Variants in FNDC3B observed in about 807,000 individuals in gnomAD.
The protein encoded by FNDC3B is fibronectin type III domain containing 3B.
In FNDC3B, 12 loss-of-function variants were observed where a neutral mutation model predicts 151.5. The ratio of observed to expected loss-of-function variants is 0.08; its 90% CI spans 0.05 to 0.13. FNDC3B has a LOEUF of 0.13. Ranked by LOEUF, FNDC3B falls within the 10% of genes least tolerant of loss-of-function variation. The pLI, the probability that FNDC3B is intolerant of heterozygous loss-of-function variation, is 1.00. For synonymous variants in FNDC3B, 528 were observed against 549.0 expected, an observed-to-expected ratio of 0.96 and a Z score of 0.54; for missense variants, 1,214 against 1,505.3, an observed-to-expected ratio of 0.81 and a Z score of 3.20.
rs866703196 is a variant in FNDC3B, at chr3:172,352,089, T to G, written c.2515-714T>G. ...GAGGAGGTACCGAAGTACTGAGGGC[T>G]GATACTCACCAGCGTTAAGAGTTCA... On this transcript the variant is annotated intron_variant, in intron 21 of 25. Transcript: ENST00000415807. This position sits in a 1 kb window ranked among gnomAD's most constrained non-coding sequence, Gnocchi z 4.2. Among the ~76,000 whole-genome samples the G allele has an allele frequency of 4.6e-5, 7 of 152,172 alleles. No individual in the cohort carries two copies. The highest frequency in any genetic ancestry group is 7.2e-5 in the African/African-American group (3 of 41,432).
At chr3:172,301,115 T>C (rs1730892166) in intron 9 of FNDC3B, among the ~76,000 whole-genome samples, 1 of 152,196 alleles carries the variant, frequency 6.6e-6, no homozygotes, top group Non-Finnish European at 1.5e-5. Flanking sequence ...TCTCGCTTTG[T>C]CATGTATAAA....
intron 1 of FNDC3B, among the ~76,000 whole-genome samples, chr3:172,095,213 A>T (rs1431356371): frequency 6.6e-6 from 1 of 152,166 alleles, no homozygotes; most frequent in Non-Finnish European, 1.5e-5. Context: ...TAGCTGAAGG[A>T]TATAGTGTAA....
chr3:172,093,123 C>A (rs902497523), intron 1 of FNDC3B, among the ~76,000 whole-genome samples: 3 of 150,498 alleles, frequency 2.0e-5, no homozygotes, highest in African/African-American at 7.3e-5. Flanking sequence ...TGGCCAGAAT[C>A]TTTTTTTAGA....
intron 3 of FNDC3B, among the ~76,000 whole-genome samples, chr3:172,217,773 C>A (rs780766996): frequency 6.6e-6 from 1 of 152,012 alleles, no homozygotes; most frequent in African/African-American, 2.4e-5. Flanking sequence ...GAGAATTAAA[C>A]CCCGGTCTTT....
At chr3:172,199,646 T>C (rs976621507) in intron 3 of FNDC3B, among the ~76,000 whole-genome samples, 1 of 152,226 alleles carries the variant, frequency 6.6e-6, no homozygotes, top group African/African-American at 2.4e-5. Flanking sequence ...TAAATAGAAT[T>C]AAATTCCTGT....
intron 23 of FNDC3B, among the ~76,000 whole-genome samples, chr3:172,364,358 C>T (rs1439486459): frequency 2.0e-5 from 3 of 152,138 alleles, no homozygotes; most frequent in South Asian, 2.1e-4. Context: ...GGTGGTAAAT[C>T]CTTAGAAAAT....
At chr3:172,293,997 G>C (rs756395917) in intron 7 of FNDC3B, among the ~76,000 whole-genome samples, 1 of 152,174 alleles carries the variant, frequency 6.6e-6, no homozygotes, top group African/African-American at 2.4e-5. Flanking sequence ...AAGCTTTAGC[G>C]TCTGTATTGT....
At position 172,112,509 on chromosome 3, in the gene FNDC3B, A is replaced by G. The variant is rs1187006540; in HGVS notation, c.30A>G (p.Gln10=). The G allele has an allele frequency of 1.2e-6, 2 of 1,614,012 alleles. No homozygotes were observed. Among genetic ancestry groups the G allele is most frequent in the Non-Finnish European group, 1.7e-6 (2 of 1,179,962 alleles). MYVTMMMTD[Q]IPLELPPLLN... ...ACGTCACAATGATGATGACCGACCAAATCCCTCTGGAACTGCCACCATTGC... is the reference window on the plus strand; with the variant it reads ...ACGTCACAATGATGATGACCGACCAGATCCCTCTGGAACTGCCACCATTGC... The change falls in exon 2 of 26, where the codon CAA becomes CAG. Residue 10 remains glutamine (Q), a synonymous_variant. Transcript: ENST00000415807.
chr3:172,211,162 CAT>C (rs1381618364), intron 3 of FNDC3B, among the ~76,000 whole-genome samples: 2 of 151,278 alleles, frequency 1.3e-5, no homozygotes, highest in African/African-American at 4.9e-5. Flanking sequence ...AAAAATGACT[CAT>C]AACATAAATG....
intron 3 of FNDC3B, among the ~76,000 whole-genome samples, chr3:172,211,878 C>A (rs933830263): frequency 1.3e-5 from 2 of 152,180 alleles, no homozygotes; most frequent in African/African-American, 2.4e-5. Context: ...CTGTTAAGAT[C>A]CCCAAGAGAA....
At chr3:172,079,359 G>C (rs939369617) in intron 1 of FNDC3B, among the ~76,000 whole-genome samples, 5 of 152,186 alleles carry the variant, frequency 3.3e-5, no homozygotes, top group Non-Finnish European at 7.3e-5. Flanking sequence ...CAAAGATGGA[G>C]TTTGGCCTTG....
chr3:172,370,262 A>T (rs1192554414), intron 23 of FNDC3B, among the ~76,000 whole-genome samples: 1 of 152,236 alleles, frequency 6.6e-6, no homozygotes, highest in Admixed American at 6.5e-5. Flanking sequence ...TTCAAAATCA[A>T]ACTGTTTTAA....
chr3:172,056,185 G>T (rs1170026452), intron 1 of FNDC3B, among the ~76,000 whole-genome samples: 1 of 151,968 alleles, frequency 6.6e-6, no homozygotes, highest in Non-Finnish European at 1.5e-5. Flanking sequence ...GATGTCAGAC[G>T]TCCTGCTTGG....
chr3:172,362,730 G>C lies in FNDC3B; in HGVS notation c.2893G>C (p.Glu965Gln), dbSNP rs1321093392. The C allele has an allele frequency of 1.9e-6, 3 of 1,614,064 alleles. No homozygotes were observed. The highest frequency in any genetic ancestry group is 1.3e-5 in the African/African-American group (1 of 75,008). The change falls in exon 23 of 26, where the codon GAA (glutamate) becomes CAA (glutamine). Residue 965 changes from glutamate to glutamine, a missense_variant. Physicochemically the swap from Glu to Gln is conservative, Grantham distance 29 (BLOSUM62 2). Around this residue, in one of 7 missense-constraint regions of FNDC3B, gnomAD observed 284 missense variants for 392.4 expected, o/e 0.72. Transcript: ENST00000415807. ...RPLPPLPPRL[E>Q]CAAAGPQSLK... is the part of the protein sequence containing the mutation. ...ATTACCACCCTTGCCTCCTAGGCTA[G>C]AATGTGCTGCTGCTGGTCCTCAGAG... is the stretch of plus-strand genomic sequence containing the variant.
In FNDC3B at chr3:172,283,682, C is replaced by T. The variant is rs551613133; in HGVS notation, c.791-2244C>T. Among the ~76,000 whole-genome samples the T allele has an allele frequency of 4.6e-5, 7 of 152,244 alleles. No individual in the cohort carries two copies. The South Asian group carries it at 1.5e-3, about 32-fold the overall frequency. The stretch of plus-strand genomic sequence containing the variant: ...TAACCAGAAATTGAGAACATTTTGT[C>T]TTTAACAACTGAACCAGTTCATTTA... On this transcript the variant is annotated intron_variant, in intron 6 of 25. Transcript: ENST00000415807.
chr3:172,338,741 G>C (rs1478610842), intron 16 of FNDC3B, among the ~76,000 whole-genome samples: 2 of 151,912 alleles, frequency 1.3e-5, no homozygotes, highest in African/African-American at 2.4e-5. Flanking sequence ...GTTTTGTTTT[G>C]TTTTGTTTTT....
At chr3:172,308,455 T>C (rs1204810180) in intron 10 of FNDC3B, among the ~76,000 whole-genome samples, 1 of 152,208 alleles carries the variant, frequency 6.6e-6, no homozygotes, top group East Asian at 1.9e-4. Context: ...GGGAGAATAG[T>C]AATGTGTGAA....
At chr3:172,130,667 C>G (rs759997869) in intron 2 of FNDC3B, among the ~76,000 whole-genome samples, 2 of 152,156 alleles carry the variant, frequency 1.3e-5, no homozygotes, top group Non-Finnish European at 2.9e-5. Flanking sequence ...GACGACAGTC[C>G]GGACATGTCC....
At chr3:172,053,191 GT>G (rs1393961761) in intron 1 of FNDC3B, among the ~76,000 whole-genome samples, 1 of 152,116 alleles carries the variant, frequency 6.6e-6, no homozygotes, top group Non-Finnish European at 1.5e-5. Context: ...GGTGTTTCTA[GT>G]GTCCACCGCA....
Sources: allele counts gnomAD v4.1 joint callset (sites outside exome capture counted in the v4.1 genomes callset), GRCh38; gene constraint gnomAD v4.1.1; regional missense constraint gnomAD v4.1.1; non-coding constraint Gnocchi (gnomAD v3.1); transcripts MANE v1.5; gene names NCBI Gene and HGNC (gene_info 2026-07-23, HGNC 2026-07-21).